WWOX: variants seen among roughly 807,000 people sequenced by gnomAD.
The protein encoded by WWOX is WW domain containing oxidoreductase.
A neutral mutation model predicts 46.2 loss-of-function variants in WWOX; 69 were observed. The ratio of observed to expected loss-of-function variants is 1.49; its 90% CI spans 1.23 to 1.82. WWOX has a LOEUF of 1.82. Ranked by LOEUF, WWOX falls within the 40% of genes most tolerant of loss-of-function variation. The pLI is 0.00. For missense variants in WWOX, 919 were observed against 542.6 expected (o/e 1.69, Z -6.89); for synonymous variants, 359 against 202.6 (o/e 1.77, Z -6.56).
At chr16:78,742,072 A>G (rs1237036327) in intron 8 of WWOX, among the ~76,000 whole-genome samples, 1 of 152,144 alleles carries the variant, frequency 6.6e-6, no homozygotes, top group African/African-American at 2.4e-5. Context: ...GCACTAGGAT[A>G]TGGATAGAAA....
rs115098644 is a variant in WWOX at position 78,479,873 on chromosome 16, C to A, written c.1056+47121C>A. Reference sequence around the variant, plus strand: ...GAGGCCTCCAATAATGTTGACCCAGCGGGGCTGCATTGTTCACTGCCCCCT... The same window carrying A: ...GAGGCCTCCAATAATGTTGACCCAGAGGGGCTGCATTGTTCACTGCCCCCT... On this transcript the variant is annotated intron_variant, in intron 8 of 8. Coordinates refer to ENST00000566780, the MANE Select transcript of WWOX (RefSeq NM_016373.4). Among the ~76,000 whole-genome samples the A allele has an allele frequency of 1.9e-3, 286 of 152,194 alleles. 1 individual carries two copies. Among genetic ancestry groups the A allele is most frequent in the African/African-American group, 6.6e-3 (274 of 41,490 alleles).
chr16:78,681,317 A>C (rs994167717), intron 8 of WWOX, among the ~76,000 whole-genome samples: 1 of 152,150 alleles, frequency 6.6e-6, no homozygotes, highest in Non-Finnish European at 1.5e-5. Context: ...AGGTGGGAGG[A>C]TGGCTTGAGC....
intron 8 of WWOX, among the ~76,000 whole-genome samples, chr16:78,921,324 C>G (rs1371467149): frequency 1.3e-5 from 2 of 152,154 alleles, no homozygotes; most frequent in African/African-American, 2.4e-5. Context: ...AAACCATTTG[C>G]TAATGAAAGT....
intron 8 of WWOX, among the ~76,000 whole-genome samples, chr16:79,057,452 G>C (rs2048283586): frequency 6.6e-6 from 1 of 152,130 alleles, no homozygotes; most frequent in Non-Finnish European, 1.5e-5. Context: ...TCAATTCTCA[G>C]GCTCCTTCTC....
chr16:79,157,318 C>G (rs191076089), intron 8 of WWOX, among the ~76,000 whole-genome samples: 1 of 151,926 alleles, frequency 6.6e-6, no homozygotes, highest in Admixed American at 6.6e-5. Flanking sequence ...AAGAACTATA[C>G]CATCTCTATT....
intron 8 of WWOX, among the ~76,000 whole-genome samples, chr16:78,438,376 C>G (rs936260510): frequency 1.3e-5 from 2 of 152,116 alleles, no homozygotes; most frequent in Admixed American, 6.5e-5. Flanking sequence ...GCATCCATAT[C>G]TAGTTATGCA....
chr16:78,389,371 C>T (rs1362230215), intron 6 of WWOX, among the ~76,000 whole-genome samples: 2 of 152,140 alleles, frequency 1.3e-5, no homozygotes, highest in African/African-American at 2.4e-5. Context: ...AGAGTGGTGG[C>T]CCTGGAAGCC....
chr16:78,611,880 C>T (rs1346758314), intron 8 of WWOX, among the ~76,000 whole-genome samples: 1 of 152,216 alleles, frequency 6.6e-6, no homozygotes, highest in East Asian at 1.9e-4. Context: ...GGCATTGCTT[C>T]TCTCATTCCA....
rs371270821 is a variant in WWOX at position 78,374,886 on chromosome 16, A to G, written c.517-11974A>G. On this transcript the variant is annotated intron_variant, in intron 5 of 8. Coordinates refer to ENST00000566780, the MANE Select transcript of WWOX (RefSeq NM_016373.4). ...TTTTTAGTAGAGACGGGTTTTCACC[A>G]GGTTGGCCAGCCTGGTCTCAAACTG... Among the ~76,000 whole-genome samples, 31 of 152,002 alleles carry G rather than the reference A, an allele frequency of 2.0e-4. No individual in the cohort carries two copies. The East Asian group carries it at 4.9e-3, about 24-fold the overall frequency.
chr16:78,954,134 C>T (rs2046117865), intron 8 of WWOX, among the ~76,000 whole-genome samples: 1 of 152,050 alleles, frequency 6.6e-6, no homozygotes, highest in Non-Finnish European at 1.5e-5. Flanking sequence ...TAAGATCTGC[C>T]ATAAAAATGT....
intron 8 of WWOX, among the ~76,000 whole-genome samples, chr16:78,984,258 C>G (rs544791684): frequency 4.5e-4 from 69 of 152,248 alleles, no homozygotes; most frequent in African/African-American, 1.5e-3. Flanking sequence ...TTTGCCAAGA[C>G]TGCTATATGG....
intron 8 of WWOX, among the ~76,000 whole-genome samples, chr16:78,470,715 A>G (rs1271560354): frequency 6.6e-6 from 1 of 151,964 alleles, no homozygotes; most frequent in Non-Finnish European, 1.5e-5. Context: ...TTTAGTAGAG[A>G]TGGGGGTTTC....
intron 5 of WWOX, among the ~76,000 whole-genome samples, chr16:78,202,656 C>T (rs955493005): frequency 6.6e-6 from 1 of 152,088 alleles, no homozygotes; most frequent in African/African-American, 2.4e-5. Context: ...ACTGGAGTAC[C>T]AGGAACTTAG....
intron 4 of WWOX, among the ~76,000 whole-genome samples, chr16:78,126,665 G>A (rs1250166789): frequency 6.6e-6 from 1 of 152,188 alleles, no homozygotes; most frequent in East Asian, 1.9e-4. Flanking sequence ...CACAGAGAAA[G>A]AAATTGGCCT....
chr16:78,556,564 C>A (rs192966209), intron 8 of WWOX, among the ~76,000 whole-genome samples: 7 of 152,204 alleles, frequency 4.6e-5, no homozygotes, highest in Admixed American at 2.0e-4. Context: ...TGAAATCAAT[C>A]GCAGCTGGAC....
At chr16:78,492,837 C>G (rs1322310529) in intron 8 of WWOX, among the ~76,000 whole-genome samples, 1 of 152,124 alleles carries the variant, frequency 6.6e-6, no homozygotes, top group African/African-American at 2.4e-5. Flanking sequence ...GCCTGCTAGG[C>G]CGAATACTTG....
chr16:78,369,581 A>C (rs992929745), intron 5 of WWOX, among the ~76,000 whole-genome samples: 1 of 152,102 alleles, frequency 6.6e-6, no homozygotes, highest in Non-Finnish European at 1.5e-5. Flanking sequence ...GAGGGGCTGG[A>C]CTGATTTCTC....
At chr16:78,825,857 G>A (rs1597677712) in intron 8 of WWOX, 15 of 641,786 alleles carry the variant, frequency 2.3e-5, no homozygotes, top group Admixed American at 6.7e-5. Context: ...CTGGGACCCC[G>A]CTGGTAAGAC....
At chr16:78,859,404 T>C (rs909448387) in intron 8 of WWOX, among the ~76,000 whole-genome samples, 2 of 152,110 alleles carry the variant, frequency 1.3e-5, no homozygotes, top group African/African-American at 2.4e-5. Context: ...TGCAGTACTT[T>C]TGGGAATCTT....
Sources: gnomAD v4.1 joint callset for allele counts (sites outside exome capture counted in the v4.1 genomes callset) on GRCh38, gnomAD v4.1.1 for gene constraint, MANE v1.5 for transcripts, NCBI Gene and HGNC (gene_info 2026-07-23, HGNC 2026-07-21) for gene names.